The following FARP2 variants were observed in gnomAD, a reference collection of about 807,000 sequenced individuals.
FARP2 encodes the protein FERM, ARHGEF and pleckstrin domain-containing protein 2.
A neutral mutation model predicts 130.5 loss-of-function variants in FARP2; 111 were observed. The ratio of observed to expected loss-of-function variants is 0.85; its 90% CI spans 0.73 to 1.00. The LOEUF is 1.00. Ranked by LOEUF, FARP2 falls within the 50% of genes least tolerant of loss-of-function variation. The pLI is 0.00. For missense variants in FARP2, 1,385 were observed against 1,346.3 expected (o/e 1.03, Z -0.45); for synonymous variants, 504 against 516.9 (o/e 0.98, Z 0.34).
chr2:241,455,038 CAG>C (rs1182233136), intron 13 of FARP2, among the ~76,000 whole-genome samples: 8 of 152,194 alleles, frequency 5.3e-5, no homozygotes, highest in Non-Finnish European at 7.3e-5. Context: ...ACCCAGCAAA[CAG>C]GGAATCATGA....
chr2:241,413,186 G>T, intron 6 of FARP2, 121 bp from the exon 7 acceptor site: 2 of 598,490 alleles, frequency 3.3e-6, no homozygotes, highest in South Asian at 2.4e-5. Context: ...TGCTTTTTTA[G>T]GGATATATTC....
intron 22 of FARP2, 65 bp from the exon 23 acceptor site, chr2:241,490,996 C>T: frequency 1.6e-6 from 2 of 1,272,470 alleles, no homozygotes; most frequent in Non-Finnish European, 2.3e-6. Context: ...GCTCGCCCTC[C>T]CTTGAGGGCT....
At chr2:241,469,321 G>A (rs191692798) in intron 18 of FARP2, among the ~76,000 whole-genome samples, 4 of 152,176 alleles carry the variant, frequency 2.6e-5, no homozygotes, top group South Asian at 2.1e-4. Flanking sequence ...TCCTGACCTC[G>A]TGATCCGCCT....
intron 2 of FARP2, among the ~76,000 whole-genome samples, chr2:241,379,620 T>TTTC (rs1161763820): frequency 3.3e-5 from 5 of 152,238 alleles, no homozygotes; most frequent in African/African-American, 1.2e-4. Context: ...AACTTAATGT[T>TTTC]TTCATTCTGG....
At chr2:241,474,571 A>T (rs2064405861) in intron 18 of FARP2, among the ~76,000 whole-genome samples, 1 of 151,630 alleles carries the variant, frequency 6.6e-6, no homozygotes, top group Non-Finnish European at 1.5e-5. Context: ...TGAGTAGATC[A>T]TCTGACGTCA....
chr2:241,426,168 A>G (rs1356952478), intron 8 of FARP2, among the ~76,000 whole-genome samples: 1 of 152,136 alleles, frequency 6.6e-6, no homozygotes, highest in South Asian at 2.1e-4. Flanking sequence ...CTGCCAAGAG[A>G]GCATCCACCA....
intron 2 of FARP2, among the ~76,000 whole-genome samples, chr2:241,387,790 CAAA>C (rs200728771): frequency 5.3e-5 from 5 of 93,902 alleles, no homozygotes; most frequent in Admixed American, 1.1e-4. Flanking sequence ...GAGACTGTCT[CAAA>C]AAAAAAAAAA....
intron 21 of FARP2, among the ~76,000 whole-genome samples, chr2:241,486,823 C>T (rs1273741015): frequency 1.3e-5 from 2 of 152,204 alleles, no homozygotes; most frequent in Admixed American, 6.5e-5. Flanking sequence ...GGAGCACCTG[C>T]GCCAGCTGAC....
chr2:241,444,880 C>A (rs964150919), intron 13 of FARP2: 1 of 152,128 alleles, frequency 6.6e-6, no homozygotes, highest in Admixed American at 6.5e-5. Flanking sequence ...ACCATGCTTG[C>A]CCCAGCTGTG....
At chr2:241,398,395 A>G (rs2062082148) in intron 2 of FARP2, among the ~76,000 whole-genome samples, 1 of 152,116 alleles carries the variant, frequency 6.6e-6, no homozygotes, top group South Asian at 2.1e-4. Flanking sequence ...CATGAATACA[A>G]TATGTACTAT....
intron 13 of FARP2, among the ~76,000 whole-genome samples, chr2:241,447,836 A>T (rs1266796447): frequency 6.6e-6 from 1 of 152,110 alleles, no homozygotes; most frequent in African/African-American, 2.4e-5. Flanking sequence ...CCCTGTGAGG[A>T]TAGGCTCCTC....
intron 2 of FARP2, among the ~76,000 whole-genome samples, chr2:241,380,899 C>T (rs1307616863): frequency 6.6e-6 from 1 of 152,068 alleles, no homozygotes; most frequent in Non-Finnish European, 1.5e-5. Flanking sequence ...TGCCCTGCCT[C>T]CACTGAGCAG....
chr2:241,487,705 A>G (rs1296513962), intron 21 of FARP2, among the ~76,000 whole-genome samples: 1 of 148,242 alleles, frequency 6.7e-6, no homozygotes, highest in Admixed American at 6.7e-5. Context: ...TGCATTTAAT[A>G]CACTTAACCT....
At chr2:241,389,057 G>A (rs372740430) in intron 2 of FARP2, among the ~76,000 whole-genome samples, 40 of 152,198 alleles carry the variant, frequency 2.6e-4, no homozygotes, top group Middle Eastern at 3.4e-3. Flanking sequence ...AAGGTGGGCG[G>A]ATCACTTGAG....
At chr2:241,413,075 G>T (rs937893701) in intron 6 of FARP2, among the ~76,000 whole-genome samples, 2 of 152,108 alleles carry the variant, frequency 1.3e-5, no homozygotes, top group African/African-American at 4.8e-5. Flanking sequence ...CCTCCCTGGA[G>T]TTACTAATCA....
Position 241,465,662 on chromosome 2 carries a change from C to T in FARP2, c.1893+1682C>T, listed in dbSNP as rs775747114. The T allele has an allele frequency of 3.9e-6, 6 of 1,550,724 alleles. 1 individual carries two copies. In the South Asian group the frequency reaches 5.9e-5, roughly 15 times the overall value. The stretch of plus-strand genomic sequence containing the variant: ...GCTTAACGTGCCTGGAACAGTTCTC[C>T]CTCCCTCTCAGGCTGCTCATGAGTT... On this transcript the variant is annotated intron_variant, in intron 17 of 26. Coordinates refer to ENST00000264042, the MANE Select transcript of FARP2 (RefSeq NM_014808.4).
intron 18 of FARP2, among the ~76,000 whole-genome samples, chr2:241,472,141 C>A (rs76785729): frequency 1.4e-5 from 2 of 142,234 alleles, no homozygotes; most frequent in Non-Finnish European, 3.1e-5. Flanking sequence ...TTTGAGGGGA[C>A]CCTGTTCTGA....
chr2:241,476,351 C>T (rs1355431599), intron 19 of FARP2, among the ~76,000 whole-genome samples: 1 of 151,860 alleles, frequency 6.6e-6, no homozygotes, highest in African/African-American at 2.4e-5. Context: ...CACAGCACTG[C>T]ACTCCAGCCT....
intron 12 of FARP2, among the ~76,000 whole-genome samples, chr2:241,441,063 A>G (rs907576608): frequency 6.6e-6 from 1 of 151,336 alleles, no homozygotes; most frequent in Non-Finnish European, 1.5e-5. Context: ...TGGATATTTC[A>G]TGTCATAAGA....
Sources: gnomAD v4.1 joint callset for allele counts (sites outside exome capture counted in the v4.1 genomes callset) on GRCh38, gnomAD v4.1.1 for gene constraint, MANE v1.5 for transcripts, NCBI Gene and HGNC (gene_info 2026-07-23, HGNC 2026-07-21) for gene names.